PTPN12: variants seen among roughly 807,000 people sequenced by gnomAD.
PTPN12 encodes the protein tyrosine-protein phosphatase non-receptor type 12.
PTPN12 carries 29 observed loss-of-function variants against 97.6 expected under a neutral mutation model. The ratio of observed to expected loss-of-function variants is 0.30; its 90% confidence interval spans 0.22 to 0.41. The LOEUF is 0.41. PTPN12 is among the 10% of genes least tolerant of loss of function. The pLI is 1.00. For missense variants in PTPN12, 819 were observed against 926.0 expected, an observed-to-expected ratio of 0.88 and a Z score of 1.50; for synonymous variants, 327 against 300.4, an observed-to-expected ratio of 1.09 and a Z score of -0.91.
rs1554314870 is a variant in PTPN12 at position 77,573,108 on chromosome 7, A to AAC, written c.208+1923_208+1924insCA. Among the ~76,000 whole-genome samples the AAC allele has an allele frequency of 2.7e-5, 4 of 147,670 alleles. 1 individual carries two copies. Among genetic ancestry groups the AAC allele is most frequent in the African/African-American group, 1.0e-4 (4 of 39,072 alleles). ...AAAAAAAAAAAAAACAAAAAAACAA[A>AAC]AAAAACCAGTGTACCTAGCACATAG... On this transcript the variant is annotated intron_variant, in intron 2 of 17. Coordinates refer to ENST00000248594, the MANE Select transcript of PTPN12 (RefSeq NM_002835.4).
In PTPN12 at chr7:77,562,814, C is replaced by T. The variant is rs1808059185; in HGVS notation, c.100-8264C>T. 3.9e-5 allele frequency among the ~76,000 whole-genome samples: 6 copies of T among 151,986 alleles called. 1 individual carries two copies. The South Asian group carries it at 1.2e-3, about 32-fold the overall frequency. On this transcript the variant is annotated intron_variant, in intron 1 of 17. Transcript: ENST00000248594. ...TATATGACAAAATTTTATTGTCCTCCTAGTTCAAGTGGTATTCTACTTTTA... is the reference window on the plus strand; with the variant it reads ...TATATGACAAAATTTTATTGTCCTCTTAGTTCAAGTGGTATTCTACTTTTA...
At chr7:77,628,868 T>C (rs1235396629) in intron 13 of PTPN12, among the ~76,000 whole-genome samples, 3 of 151,882 alleles carry the variant, frequency 2.0e-5, no homozygotes. Context: ...TCTGACCCAT[T>C]ATATACCACC....
chr7:77,576,019 T>C lies in PTPN12; in HGVS notation c.208+4833T>C, dbSNP rs531343246. ...GGCGCACATCACCATGCCTGGCTAATTTTTTGTGTTATTTTTAGTAGATAC... is the reference window on the plus strand; with the variant it reads ...GGCGCACATCACCATGCCTGGCTAACTTTTTGTGTTATTTTTAGTAGATAC... On this transcript the variant is annotated intron_variant, in intron 2 of 17. Transcript: ENST00000248594. Among the ~76,000 whole-genome samples, 452 of 152,164 alleles carry C rather than the reference T, an allele frequency of 3.0e-3. 4 individuals are homozygous for C. Among genetic ancestry groups the C allele is most frequent in the African/African-American group, 0.011 (442 of 41,534 alleles).
intron 1 of PTPN12, among the ~76,000 whole-genome samples, chr7:77,569,732 C>T (rs972826487): frequency 1.3e-5 from 2 of 152,224 alleles, no homozygotes; most frequent in African/African-American, 2.4e-5. Flanking sequence ...GATCGCACCA[C>T]TGCACTCCAG....
At chr7:77,595,774 A>G (rs868355033) in intron 6 of PTPN12, among the ~76,000 whole-genome samples, 5 of 152,310 alleles carry the variant, frequency 3.3e-5, no homozygotes, top group Middle Eastern at 6.8e-3. Context: ...ATTTTTATTA[A>G]TAAAACAACA....
chr7:77,550,592 A>G (rs1168660585), intron 1 of PTPN12, among the ~76,000 whole-genome samples: 1 of 152,170 alleles, frequency 6.6e-6, no homozygotes, highest in Non-Finnish European at 1.5e-5. Context: ...AGATTAGGAA[A>G]CAAAACGAAG....
chr7:77,610,611 G>A (rs1344629002), intron 9 of PTPN12, among the ~76,000 whole-genome samples, 154 bp from the exon 10 acceptor site: 1 of 152,176 alleles, frequency 6.6e-6, no homozygotes, highest in African/African-American at 2.4e-5. Context: ...TGTTTCCACA[G>A]TGCCAAGCAC....
chr7:77,633,551 G>A (rs1562765934), intron 14 of PTPN12, among the ~76,000 whole-genome samples: 2 of 151,672 alleles, frequency 1.3e-5, no homozygotes, highest in South Asian at 2.1e-4. Context: ...AGAGGTTGGA[G>A]TGAGCCGAGA....
chr7:77,615,281 A>T (rs894534564), intron 11 of PTPN12, among the ~76,000 whole-genome samples: 1 of 152,068 alleles, frequency 6.6e-6, no homozygotes, highest in African/African-American at 2.4e-5. Flanking sequence ...CTAAAATATA[A>T]TTTTTTTATT....
chr7:77,545,932 T>C (rs1347365946), intron 1 of PTPN12: 1 of 152,120 alleles, frequency 6.6e-6, no homozygotes, highest in Non-Finnish European at 1.5e-5. Flanking sequence ...CCTTTTATTT[T>C]ATTTTATTTT....
chr7:77,612,204 G>A (rs1367917442), intron 11 of PTPN12, among the ~76,000 whole-genome samples: 1 of 152,004 alleles, frequency 6.6e-6, no homozygotes, highest in African/African-American at 2.4e-5. Context: ...CAGTTTGTTA[G>A]GATAATCTAA....
chr7:77,540,087 C>G (rs1327995661), intron 1 of PTPN12, among the ~76,000 whole-genome samples: 3 of 152,076 alleles, frequency 2.0e-5, no homozygotes, highest in Non-Finnish European at 4.4e-5. Flanking sequence ...AGGCATATAC[C>G]GTCAGGAAGG....
At chr7:77,595,713 T>G (rs903301101) in intron 6 of PTPN12, among the ~76,000 whole-genome samples, 1 of 152,192 alleles carries the variant, frequency 6.6e-6, no homozygotes, top group Non-Finnish European at 1.5e-5. Flanking sequence ...ATTTGAAAAG[T>G]TCAAAGTAAA....
At chr7:77,598,614 C>T (rs1308912489) in intron 7 of PTPN12, among the ~76,000 whole-genome samples, 2 of 151,330 alleles carry the variant, frequency 1.3e-5, no homozygotes, top group African/African-American at 4.9e-5. Flanking sequence ...GCCTGGGAGA[C>T]AGAGGTTGCA....
chr7:77,545,598 T>C (rs138470770), intron 1 of PTPN12, among the ~76,000 whole-genome samples: 12 of 151,538 alleles, frequency 7.9e-5, no homozygotes, highest in African/African-American at 2.7e-4. Context: ...CTCCCTCCAA[T>C]TTTAAATATA....
chr7:77,633,214 G>A (rs1443727101), intron 14 of PTPN12, among the ~76,000 whole-genome samples: 1 of 150,466 alleles, frequency 6.6e-6, no homozygotes, highest in Non-Finnish European at 1.5e-5. Context: ...ATATTGCAGT[G>A]AGCCGAGATC....
intron 12 of PTPN12, among the ~76,000 whole-genome samples, chr7:77,622,499 G>A (rs895434827): frequency 1.3e-5 from 2 of 152,204 alleles, no homozygotes; most frequent in African/African-American, 4.8e-5. Context: ...GCCAGGCGCA[G>A]TGGCTCATGC....
intron 11 of PTPN12, among the ~76,000 whole-genome samples, chr7:77,614,856 CAATTT>C (rs1788696990): frequency 6.6e-6 from 1 of 152,174 alleles, no homozygotes; most frequent in African/African-American, 2.4e-5. Flanking sequence ...ACTTTTCTGA[CAATTT>C]AATCGGTAAA....
At chr7:77,553,299 T>C (rs571412247) in intron 1 of PTPN12, among the ~76,000 whole-genome samples, 2 of 152,382 alleles carry the variant, frequency 1.3e-5, no homozygotes, top group South Asian at 4.1e-4. Flanking sequence ...GTGCATTATA[T>C]ATCCAGTTGA....
Sources: gnomAD v4.1 joint callset for allele counts (sites outside exome capture counted in the v4.1 genomes callset) on GRCh38, gnomAD v4.1.1 for gene constraint, MANE v1.5 for transcripts, NCBI Gene and HGNC (gene_info 2026-07-23, HGNC 2026-07-21) for gene names.